ATG10: variants seen among roughly 807,000 people sequenced by gnomAD.
The protein encoded by ATG10 is autophagy related 10.
ATG10 carries 30 observed loss-of-function variants against 32.1 expected under a neutral mutation model. The observed-to-expected ratio is 0.94, with a 90% CI of 0.70 to 1.27. The LOEUF is 1.27. Ranked by LOEUF, ATG10 falls within the 50% of genes most tolerant of loss-of-function variation. The pLI, the probability that ATG10 is intolerant of heterozygous loss-of-function variation, is 0.00. For missense variants in ATG10, 233 were observed against 262.3 expected (o/e 0.89, Z 0.77); for synonymous variants, 87 against 91.5 (o/e 0.95, Z 0.28).
intron 2 of ATG10, among the ~76,000 whole-genome samples, chr5:81,996,984 G>T (rs1761683916): frequency 6.6e-6 from 1 of 152,200 alleles, no homozygotes; most frequent in East Asian, 1.9e-4. Flanking sequence ...CATGAAGGCT[G>T]CCAGTCTCGT....
In ATG10 at chr5:82,058,203, A is replaced by C. The variant is rs567692909; in HGVS notation, c.109-292A>C. 1.1e-3 allele frequency among the ~76,000 whole-genome samples: 174 copies of C among 152,336 alleles called. 2 individuals are homozygous for C. Among genetic ancestry groups the C allele is most frequent in the Admixed American group, 2.2e-3 (34 of 15,288 alleles). ...GTGACAAGCTATTTCTATAAGCTTA[A>C]GTTTTGTTCTGTGATCTTGGTGCTA... On this transcript the variant is annotated intron_variant, in intron 2 of 7. Transcript: ENST00000282185.
At position 82,161,696 on chromosome 5, in the gene ATG10, AACACAC is replaced by A. The variant is rs60780834; in HGVS notation, c.217-2671_217-2666del. 2.8e-4 allele frequency among the ~76,000 whole-genome samples: 36 copies of A among 129,726 alleles called. No homozygotes were observed. In the South Asian group the frequency reaches 3.9e-3, roughly 14 times the overall value. The allele number at this position is 129,726 out of a possible 152,430, so 85.1% of individuals were successfully genotyped here. ...GCTCAATAGAGAAGATTAGAGAATAAACACACACACACACACACACACACACACACA... is the reference window on the plus strand; with the variant it reads ...GCTCAATAGAGAAGATTAGAGAATAAACACACACACACACACACACACACA... On this transcript the variant is annotated intron_variant, in intron 3 of 7. Transcript: ENST00000282185.
chr5:82,139,815 C>T (rs1190358518), intron 3 of ATG10, among the ~76,000 whole-genome samples: 1 of 139,926 alleles, frequency 7.1e-6, no homozygotes, highest in Admixed American at 6.8e-5. Context: ...TCAGCCCGGC[C>T]AGCCACCCCA....
Position 82,254,899 on chromosome 5 carries a change from AGT to A in ATG10, c.*857_*858del, listed in dbSNP as rs10654850. On this transcript the variant is annotated 3_prime_UTR_variant, in exon 8 of 8. Transcript: ENST00000282185. Reference sequence around the variant, plus strand: ...AAAAGAGAGAGAGAGAGTGAGTGTGAGTGTGTGTGTGTGTGTGTGTGTATGTG... The same window carrying A: ...AAAAGAGAGAGAGAGAGTGAGTGTGAGTGTGTGTGTGTGTGTGTGTATGTG... 39,029 of 149,594 alleles carry A rather than the reference AGT, an allele frequency of 0.26. 6,569 individuals are homozygous for A. The highest frequency in any genetic ancestry group is 0.49 in the African/African-American group (19,841 of 40,766). 9.3% of individuals were successfully genotyped at this position (149,594 alleles called of 1,614,324 possible).
intron 3 of ATG10, among the ~76,000 whole-genome samples, chr5:82,120,017 T>C (rs930702755): frequency 8.4e-5 from 12 of 142,592 alleles, no homozygotes; most frequent in Admixed American, 7.6e-4. Context: ...TGTGTGTGTG[T>C]GTACGCACGC....
At chr5:82,041,489 T>C (rs1034659007) in intron 2 of ATG10, among the ~76,000 whole-genome samples, 4 of 152,210 alleles carry the variant, frequency 2.6e-5, no homozygotes, top group Non-Finnish European at 5.9e-5. Flanking sequence ...AACTTTGGTA[T>C]ATTTCAAGTA....
At chr5:82,064,263 A>G (rs1279404539) in intron 3 of ATG10, among the ~76,000 whole-genome samples, 5 of 152,166 alleles carry the variant, frequency 3.3e-5, no homozygotes, top group South Asian at 2.1e-4. Flanking sequence ...TTATTTTACT[A>G]TGGTCCTTGG....
chr5:82,236,358 G>C (rs1031924152), intron 5 of ATG10, among the ~76,000 whole-genome samples: 1 of 152,114 alleles, frequency 6.6e-6, no homozygotes. Context: ...ACAACAAATT[G>C]ATAATTGAAT....
intron 3 of ATG10, among the ~76,000 whole-genome samples, chr5:82,072,451 T>C (rs985781950): frequency 2.0e-5 from 3 of 152,154 alleles, no homozygotes; most frequent in East Asian, 3.9e-4. Flanking sequence ...ATAGCTTATT[T>C]ATCTTTGCAG....
At chr5:82,038,823 G>A (rs1045201775) in intron 2 of ATG10, among the ~76,000 whole-genome samples, 1 of 152,088 alleles carries the variant, frequency 6.6e-6, no homozygotes, top group Non-Finnish European at 1.5e-5. Flanking sequence ...CAATTATGAT[G>A]TACTCTCTTC....
chr5:82,001,979 T>C (rs1412041010), intron 2 of ATG10, among the ~76,000 whole-genome samples: 1 of 152,224 alleles, frequency 6.6e-6, no homozygotes, highest in Non-Finnish European at 1.5e-5. Flanking sequence ...GCAAAGGACA[T>C]GAACAGACAC....
At chr5:82,091,463 G>C (rs1764882857) in intron 3 of ATG10, among the ~76,000 whole-genome samples, 1 of 152,134 alleles carries the variant, frequency 6.6e-6, no homozygotes, top group African/African-American at 2.4e-5. Flanking sequence ...GAGCTAAAAG[G>C]AGGCAATTCA....
At chr5:82,158,360 C>A (rs1441835526) in intron 3 of ATG10, among the ~76,000 whole-genome samples, 1 of 151,224 alleles carries the variant, frequency 6.6e-6, no homozygotes, top group African/African-American at 2.4e-5. Flanking sequence ...CCCCCCGCCC[C>A]CCATCTCTGT....
At chr5:82,035,249 C>G (rs1762880725) in intron 2 of ATG10, among the ~76,000 whole-genome samples, 1 of 152,132 alleles carries the variant, frequency 6.6e-6, no homozygotes, top group African/African-American at 2.4e-5. Context: ...ACCACTTGTT[C>G]TACATATTTA....
intron 5 of ATG10, among the ~76,000 whole-genome samples, chr5:82,189,079 A>G (rs1358776313): frequency 6.6e-6 from 1 of 152,164 alleles, no homozygotes; most frequent in Non-Finnish European, 1.5e-5. Flanking sequence ...TATTTTTTTC[A>G]GTATATTAAT....
chr5:82,192,172 TG>T lies in ATG10; in HGVS notation c.453+13587del, dbSNP rs531835177. 2.1e-3 allele frequency among the ~76,000 whole-genome samples: 316 copies of T among 152,326 alleles called. 3 individuals are homozygous for T. The highest frequency in any genetic ancestry group is 6.6e-3 in the African/African-American group (276 of 41,574). Reference sequence around the variant, plus strand: ...GGTGGGAGTTGTAGCAGGTGTGCTGTGGCTCTGGAGGTGGCCACATACGGTC... The same window carrying T: ...GGTGGGAGTTGTAGCAGGTGTGCTGTGCTCTGGAGGTGGCCACATACGGTC... On this transcript the variant is annotated intron_variant, in intron 5 of 7. Transcript: ENST00000282185.
intron 3 of ATG10, among the ~76,000 whole-genome samples, chr5:82,150,417 C>T (rs879795771): frequency 6.6e-6 from 1 of 152,084 alleles, no homozygotes; most frequent in Admixed American, 6.6e-5. Flanking sequence ...TAATTCTTTG[C>T]CATTATAAGT....
intron 5 of ATG10, among the ~76,000 whole-genome samples, chr5:82,209,892 G>A (rs980529254): frequency 2.6e-5 from 4 of 152,074 alleles, no homozygotes; most frequent in African/African-American, 4.8e-5. Context: ...TTGTTTCACT[G>A]TGCTTCATTC....
chr5:82,066,674 C>G (rs898171226), intron 3 of ATG10, among the ~76,000 whole-genome samples: 4 of 152,128 alleles, frequency 2.6e-5, no homozygotes, highest in African/African-American at 9.7e-5. Flanking sequence ...TGCCAAGGAA[C>G]ATATTCAAAG....
Sources: gnomAD v4.1 joint callset for allele counts (sites outside exome capture counted in the v4.1 genomes callset) on GRCh38, gnomAD v4.1.1 for gene constraint, MANE v1.5 for transcripts, NCBI Gene and HGNC (gene_info 2026-07-23, HGNC 2026-07-21) for gene names.